LRP1B: variants seen among roughly 807,000 people sequenced by gnomAD.
LRP1B encodes low-density lipoprotein receptor-related protein 1B.
Under a neutral mutation model 556.6 loss-of-function variants are expected in LRP1B, and 217 were observed. That is an observed-to-expected ratio of 0.39 (90% CI 0.35 to 0.44). LRP1B has a LOEUF of 0.44. Ranked by LOEUF, LRP1B falls within the 20% of genes least tolerant of loss-of-function variation. The probability of loss-of-function intolerance (pLI) is 1.00; values close to 1 mark genes in which losing one functional copy is unlikely to be tolerated. For missense variants in LRP1B, 5,053 were observed against 5,620.8 expected (o/e 0.90, Z 3.23); for synonymous variants, 2,047 against 1,865.8 (o/e 1.10, Z -2.50).
chr2:142,116,286 C>T (rs6707136), intron 1 of LRP1B, among the ~76,000 whole-genome samples: 88,787 of 150,612 alleles, frequency 0.59, 27,514 homozygotes, highest in East Asian at 0.71. Flanking sequence ...TATTGTCATG[C>T]ATTTCCCAAG....
intron 2 of LRP1B, among the ~76,000 whole-genome samples, chr2:141,609,546 T>A (rs1688032442): frequency 1.3e-5 from 2 of 152,256 alleles, no homozygotes; most frequent in Non-Finnish European, 2.9e-5. Context: ...TTGTTTTTAA[T>A]ATAACTCACT....
chr2:140,916,172 A>T (rs1403238651), intron 21 of LRP1B, among the ~76,000 whole-genome samples: 2 of 152,198 alleles, frequency 1.3e-5, no homozygotes, highest in Non-Finnish European at 2.9e-5. Flanking sequence ...ATCAGAAATA[A>T]TCAGAAGTAT....
intron 35 of LRP1B, among the ~76,000 whole-genome samples, chr2:140,752,749 C>T (rs1022383463): frequency 6.6e-6 from 1 of 152,134 alleles, no homozygotes; most frequent in Admixed American, 6.5e-5. Flanking sequence ...TTTAGATTCA[C>T]AACCAAATTG....
chr2:140,307,041 T>C (rs13024753), intron 83 of LRP1B, among the ~76,000 whole-genome samples: 50,235 of 151,872 alleles, frequency 0.33, 9,062 homozygotes, highest in Non-Finnish European at 0.42. Flanking sequence ...TTCACTTATA[T>C]CACATGTCCC....
intron 1 of LRP1B, among the ~76,000 whole-genome samples, chr2:142,093,423 GGAGA>G (rs1167426840): frequency 1.3e-5 from 2 of 152,092 alleles, no homozygotes; most frequent in Non-Finnish European, 2.9e-5. Flanking sequence ...TGCAAGGAAT[GGAGA>G]GTTAGCTCCT....
chr2:140,561,442 C>A (rs555432633), intron 43 of LRP1B, among the ~76,000 whole-genome samples: 1 of 152,100 alleles, frequency 6.6e-6, no homozygotes, highest in African/African-American at 2.4e-5. Context: ...AAAAATGAAT[C>A]ATTTTCCTTG....
rs368234405 is a variant in LRP1B, at chr2:141,070,694, C to A, written c.1014-8421G>T. ...GGATATCACCACCGATCCCACAGAA[C>A]TACAAACTACCATCAGAGAATACTA... On this transcript the variant is annotated intron_variant, in intron 7 of 90. Coordinates refer to ENST00000389484, the MANE Select transcript of LRP1B (RefSeq NM_018557.3). 2.7e-3 allele frequency among the ~76,000 whole-genome samples: 406 copies of A among 151,812 alleles called. 3 individuals are homozygous for A. The highest frequency in any genetic ancestry group is 8.0e-3 in the African/African-American group (332 of 41,328).
chr2:141,570,555 C>A (rs1686489206), intron 2 of LRP1B, among the ~76,000 whole-genome samples: 1 of 150,608 alleles, frequency 6.6e-6, no homozygotes, highest in Non-Finnish European at 1.5e-5. Flanking sequence ...CCAGCACTGG[C>A]TGGAGCTGTG....
chr2:140,918,671 T>C (rs970874527), intron 21 of LRP1B, among the ~76,000 whole-genome samples: 4 of 152,090 alleles, frequency 2.6e-5, no homozygotes, highest in Non-Finnish European at 4.4e-5. Flanking sequence ...GACCGAATGT[T>C]TGTGTCCAGA....
intron 2 of LRP1B, among the ~76,000 whole-genome samples, chr2:141,547,550 G>A (rs1685597608): frequency 6.6e-6 from 1 of 152,082 alleles, no homozygotes; most frequent in African/African-American, 2.4e-5. Context: ...TTCTCTAGCT[G>A]TAACTGTTAG....
At chr2:142,010,746 C>T (rs1702938181) in intron 1 of LRP1B, among the ~76,000 whole-genome samples, 1 of 152,036 alleles carries the variant, frequency 6.6e-6, no homozygotes, top group Non-Finnish European at 1.5e-5. Context: ...CATAACCTTT[C>T]ACAACTACTA....
At chr2:140,488,867 G>A (rs548440398) in intron 57 of LRP1B, among the ~76,000 whole-genome samples, 1 of 152,018 alleles carries the variant, frequency 6.6e-6, no homozygotes, top group East Asian at 1.9e-4. Flanking sequence ...TCTTCAGAGA[G>A]GCAGGGGTTT....
chr2:142,027,333 T>C (rs1703542691), intron 1 of LRP1B, among the ~76,000 whole-genome samples: 1 of 151,632 alleles, frequency 6.6e-6, no homozygotes, highest in Non-Finnish European at 1.5e-5. Flanking sequence ...ATATTAGAAT[T>C]AGGTTAAGAA....
intron 66 of LRP1B, among the ~76,000 whole-genome samples, chr2:140,408,276 A>G (rs1037293898): frequency 1.1e-4 from 17 of 151,952 alleles, no homozygotes; most frequent in Non-Finnish European, 2.5e-4. Flanking sequence ...ATTCACCACT[A>G]TAAAATTCAT....
chr2:141,328,361 C>CTG (rs10654381), intron 3 of LRP1B, among the ~76,000 whole-genome samples: 89,526 of 151,898 alleles, frequency 0.59, 27,438 homozygotes, highest in African/African-American at 0.71. Flanking sequence ...TTAAATGAGA[C>CTG]TATCTATAGA....
At chr2:140,585,079 C>A (rs1574108019) in intron 43 of LRP1B, among the ~76,000 whole-genome samples, 2 of 151,976 alleles carry the variant, frequency 1.3e-5, no homozygotes, top group Non-Finnish European at 2.9e-5. Flanking sequence ...ATTATTCCTA[C>A]AAAAGAGGAA....
intron 65 of LRP1B, among the ~76,000 whole-genome samples, chr2:140,443,628 T>G (rs1206130667): frequency 6.6e-6 from 1 of 152,212 alleles, no homozygotes; most frequent in Admixed American, 6.6e-5. Context: ...GGTGCTCCAT[T>G]AGTCACATAA....
intron 2 of LRP1B, among the ~76,000 whole-genome samples, chr2:141,495,607 T>C (rs1683482561): frequency 6.6e-6 from 1 of 152,176 alleles, no homozygotes; most frequent in Non-Finnish European, 1.5e-5. Flanking sequence ...TTATTTTATT[T>C]ATTCTGTAAG....
chr2:140,303,022 T>TATATATAC (rs1683902961), intron 83 of LRP1B, among the ~76,000 whole-genome samples: 1 of 104,084 alleles, frequency 9.6e-6, no homozygotes, highest in African/African-American at 5.4e-5. Flanking sequence ...CATATATATA[T>TATATATAC]ATATATATAT....
Sources: allele counts gnomAD v4.1 joint callset (sites outside exome capture counted in the v4.1 genomes callset), GRCh38; gene constraint gnomAD v4.1.1; transcripts MANE v1.5; gene names NCBI Gene and HGNC (gene_info 2026-07-23, HGNC 2026-07-21).